SLC26A7: variants seen among roughly 807,000 people sequenced by gnomAD.
SLC26A7 encodes solute carrier family 26 member 7, also known as anion exchange transporter.
Under a neutral mutation model 82.5 loss-of-function variants are expected in SLC26A7, and 59 were observed. That is an observed-to-expected ratio of 0.72 (90% CI 0.58 to 0.89). The LOEUF is 0.89. Among genes scored for constraint, SLC26A7 ranks in the 40% least tolerant of loss-of-function variants. The pLI is 0.00. For missense variants in SLC26A7, 820 were observed against 793.0 expected (o/e 1.03, Z -0.41); for synonymous variants, 271 against 274.3 (o/e 0.99, Z 0.12).
chr8:91,372,091 T>C (rs1364712534), intron 15 of SLC26A7, among the ~76,000 whole-genome samples: 1 of 151,928 alleles, frequency 6.6e-6, no homozygotes, highest in Non-Finnish European at 1.5e-5. Flanking sequence ...TTATTTTCTT[T>C]TTCTCATTGA....
chr8:91,284,664 T>C (rs77577572), intron 2 of SLC26A7, among the ~76,000 whole-genome samples: 1,557 of 152,268 alleles, frequency 0.01, 30 homozygotes, highest in African/African-American at 0.035. Context: ...AAACTTTAAC[T>C]CTTACATCTG....
At chr8:91,228,571 A>G (rs1349384407) in intron 2 of SLC26A7, among the ~76,000 whole-genome samples, 1 of 152,202 alleles carries the variant, frequency 6.6e-6, no homozygotes, top group Non-Finnish European at 1.5e-5. Context: ...CACAACGGCC[A>G]CTTTATGGGA....
Position 91,305,749 on chromosome 8 carries a change from G to T in SLC26A7, c.477+10046G>T, listed in dbSNP as rs1455440167. On this transcript the variant is annotated intron_variant, in intron 4 of 18. Transcript: ENST00000276609. ...TGATATATTACACAAAACTTAGATAGACATTTCCTGAACATATGATTAGTT... is the reference window on the plus strand; with the variant it reads ...TGATATATTACACAAAACTTAGATATACATTTCCTGAACATATGATTAGTT... 2.0e-5 allele frequency among the ~76,000 whole-genome samples: 3 copies of T among 151,450 alleles called. No homozygotes were observed. The East Asian group carries it at 5.8e-4, about 29-fold the overall frequency.
intron 3 of SLC26A7, among the ~76,000 whole-genome samples, chr8:91,290,141 A>G (rs764421282): frequency 3.9e-5 from 6 of 152,192 alleles, no homozygotes; most frequent in Non-Finnish European, 8.8e-5. Flanking sequence ...ACTATTAAGG[A>G]AATAATAAAA....
intron 14 of SLC26A7, among the ~76,000 whole-genome samples, chr8:91,366,974 G>T (rs772866100): frequency 6.6e-6 from 1 of 151,858 alleles, no homozygotes; most frequent in Non-Finnish European, 1.5e-5. Context: ...TAAGACAAAT[G>T]ATCCAATTTA....
intron 2 of SLC26A7, among the ~76,000 whole-genome samples, chr8:91,233,214 AG>A (rs1810333076): frequency 6.6e-6 from 1 of 152,160 alleles, no homozygotes; most frequent in East Asian, 1.9e-4. Flanking sequence ...AGTGCAGAAG[AG>A]GAGAAGAGGA....
chr8:91,276,956 G>A (rs1476061105), intron 2 of SLC26A7, among the ~76,000 whole-genome samples: 1 of 152,114 alleles, frequency 6.6e-6, no homozygotes, highest in Admixed American at 6.5e-5. Context: ...TATATTTCAT[G>A]TATATTTGTG....
intron 2 of SLC26A7, among the ~76,000 whole-genome samples, chr8:91,260,184 G>T (rs535831697): frequency 5.9e-5 from 9 of 152,080 alleles, no homozygotes; most frequent in Non-Finnish European, 1.2e-4. Flanking sequence ...GGAGGCCTCA[G>T]AAAACTTATA....
At chr8:91,264,257 A>G (rs1313199173) in intron 2 of SLC26A7, among the ~76,000 whole-genome samples, 2 of 152,090 alleles carry the variant, frequency 1.3e-5, no homozygotes, top group African/African-American at 4.8e-5. Flanking sequence ...CATGTCTCCA[A>G]CAAGCTCAAG....
At chr8:91,372,164 CT>C (rs1013955802) in intron 15 of SLC26A7, among the ~76,000 whole-genome samples, 4 of 151,650 alleles carry the variant, frequency 2.6e-5, no homozygotes, top group African/African-American at 9.7e-5. Flanking sequence ...TTGTACATAT[CT>C]TTTCCCATTC....
chr8:91,269,459 C>A (rs1811207416), intron 2 of SLC26A7, among the ~76,000 whole-genome samples: 1 of 152,068 alleles, frequency 6.6e-6, no homozygotes, highest in Non-Finnish European at 1.5e-5. Flanking sequence ...CTACTGTCTC[C>A]TGCCTTGTAG....
rs770162202 is a variant in SLC26A7 at position 91,351,848 on chromosome 8, C to T, written c.1179C>T (p.Val393=). The change falls in exon 10 of 19, where the codon GTC becomes GTT. Residue 393 remains valine (V), a synonymous_variant. Transcript: ENST00000276609. ...TATCTTGCATTTTCGTCCTTATAGT[C>T]ATCTATGCAATAGGACCTTTGCTTT... is the stretch of plus-strand genomic sequence containing the variant. ...CLISCIFVLI[V]IYAIGPLLYW... is the part of the protein sequence containing the mutation. The T allele has an allele frequency of 6.2e-7, 1 of 1,612,622 alleles. No individual in the cohort carries two copies. The highest frequency in any genetic ancestry group is 8.5e-7 in the Non-Finnish European group (1 of 1,178,950).
At chr8:91,350,180 G>A (rs895451402) in intron 9 of SLC26A7, among the ~76,000 whole-genome samples, 8 of 151,962 alleles carry the variant, frequency 5.3e-5, no homozygotes, top group African/African-American at 1.9e-4. Context: ...CTGCCAACAG[G>A]GAAAGGCCTT....
chr8:91,267,377 C>A (rs942564245), intron 2 of SLC26A7, among the ~76,000 whole-genome samples: 16 of 151,998 alleles, frequency 1.1e-4, no homozygotes, highest in Admixed American at 9.8e-4. Context: ...AGCAGTGAAG[C>A]CATCAGATTC....
intron 7 of SLC26A7, among the ~76,000 whole-genome samples, chr8:91,339,665 A>AT (rs1813346880): frequency 8.1e-6 from 1 of 123,044 alleles, no homozygotes; most frequent in African/African-American, 3.6e-5. Context: ...TATTTATTTA[A>AT]TTTATTTTTT....
At chr8:91,348,147 A>G (rs1450415324) in intron 9 of SLC26A7, among the ~76,000 whole-genome samples, 1 of 152,222 alleles carries the variant, frequency 6.6e-6, no homozygotes, top group Non-Finnish European at 1.5e-5. Context: ...TAATTTGCCA[A>G]ACTGTATTCC....
intron 3 of SLC26A7, among the ~76,000 whole-genome samples, chr8:91,295,103 A>C (rs991123229): frequency 7.2e-5 from 11 of 152,180 alleles, no homozygotes; most frequent in African/African-American, 2.7e-4. Context: ...TACTCCCCTT[A>C]AATACTGAAA....
At chr8:91,334,164 C>A in intron 5 of SLC26A7, 131 bp from the exon 6 acceptor site, 1 of 807,510 alleles carries the variant, frequency 1.2e-6, no homozygotes, top group Non-Finnish European at 1.9e-6. Context: ...ACCCGCCTAC[C>A]TATATCTTTC....
chr8:91,257,403 C>T (rs1810833811), intron 2 of SLC26A7, among the ~76,000 whole-genome samples: 2 of 152,118 alleles, frequency 1.3e-5, no homozygotes, highest in Non-Finnish European at 2.9e-5. Flanking sequence ...TCTATCAGGA[C>T]AGATGCCATC....
Sources: allele counts gnomAD v4.1 joint callset (sites outside exome capture counted in the v4.1 genomes callset), GRCh38; gene constraint gnomAD v4.1.1; transcripts MANE v1.5; gene names NCBI Gene and HGNC (gene_info 2026-07-23, HGNC 2026-07-21).